The following ARB2A variants were observed in gnomAD, a reference collection of about 807,000 sequenced individuals.
The protein encoded by ARB2A is ARB2 cotranscriptional regulator A.
chr5:93,762,889 C>T, the ARB2A span, among the ~76,000 whole-genome samples: 5 of 152,098 alleles, frequency 3.3e-5, no homozygotes, highest in African/African-American at 1.2e-4. Flanking sequence ...AGAGTGGGGG[C>T]CAATATTCAA....
At chr5:93,955,820 C>T in the ARB2A span, among the ~76,000 whole-genome samples, 1 of 152,144 alleles carries the variant, frequency 6.6e-6, no homozygotes, top group Non-Finnish European at 1.5e-5. Flanking sequence ...CCTGTGCTCA[C>T]TCTGGGCCTG....
the ARB2A span, among the ~76,000 whole-genome samples, chr5:94,073,434 T>C: frequency 1.3e-5 from 2 of 152,040 alleles, no homozygotes; most frequent in African/African-American, 4.8e-5. Flanking sequence ...AAGCAACTTG[T>C]TCATGTTAAG....
the ARB2A span, among the ~76,000 whole-genome samples, chr5:94,103,795 C>CAAAAAAAAAAAAA: frequency 8.8e-6 from 1 of 113,344 alleles, no homozygotes; most frequent in Non-Finnish European, 1.9e-5. Flanking sequence ...TCAACAGATT[C>CAAAAAAAAAAAAA]AAAAAAAAAA....
At chr5:93,781,357 G>T in the ARB2A span, among the ~76,000 whole-genome samples, 124 of 152,166 alleles carry the variant, frequency 8.1e-4, no homozygotes, top group Non-Finnish European at 1.6e-3. Flanking sequence ...CATTTTAATG[G>T]CTGAGTAGTA....
the ARB2A span, among the ~76,000 whole-genome samples, chr5:93,932,906 A>C: frequency 6.6e-6 from 1 of 152,216 alleles, no homozygotes; most frequent in Non-Finnish European, 1.5e-5. Flanking sequence ...TATTCATCTG[A>C]CAAAGGGCTA....
chr5:93,731,275 C>A, the ARB2A span, among the ~76,000 whole-genome samples: 2 of 152,160 alleles, frequency 1.3e-5, no homozygotes, highest in African/African-American at 4.8e-5. Flanking sequence ...TAGGGTAGGT[C>A]CTAATGCAAT....
chr5:93,636,623 T>C, the ARB2A span, among the ~76,000 whole-genome samples: 2 of 152,254 alleles, frequency 1.3e-5, no homozygotes, highest in African/African-American at 4.8e-5. Context: ...AATAAATTTC[T>C]GTTGTTTATA....
At chr5:93,986,059 C>T in the ARB2A span, among the ~76,000 whole-genome samples, 12 of 150,928 alleles carry the variant, frequency 8.0e-5, no homozygotes, top group African/African-American at 2.9e-4. Flanking sequence ...TGAGGAGCGC[C>T]TCTGCCCGGC....
the ARB2A span, among the ~76,000 whole-genome samples, chr5:93,660,323 T>G: frequency 2.0e-5 from 3 of 152,082 alleles, no homozygotes; most frequent in African/African-American, 7.2e-5. Flanking sequence ...TGACTGTGGC[T>G]TAGACTCTTC....
chr5:93,910,856 G>A, the ARB2A span: 15 of 151,408 alleles, frequency 9.9e-5, no homozygotes, highest in Non-Finnish European at 1.6e-4. Flanking sequence ...TATTGTGACA[G>A]GGGAAAAAAT....
chr5:93,800,191 T>C, the ARB2A span, among the ~76,000 whole-genome samples: 1 of 152,094 alleles, frequency 6.6e-6, no homozygotes, highest in African/African-American at 2.4e-5. Flanking sequence ...TGTGTTTATA[T>C]TCAGTTATTT....
the ARB2A span, among the ~76,000 whole-genome samples, chr5:94,044,417 C>T: frequency 5.3e-5 from 8 of 152,082 alleles, no homozygotes; most frequent in African/African-American, 1.4e-4. Flanking sequence ...TCAACACTTT[C>T]GGACTGAGCT....
At chr5:93,749,692 C>T in the ARB2A span, among the ~76,000 whole-genome samples, 1 of 152,082 alleles carries the variant, frequency 6.6e-6, no homozygotes, top group African/African-American at 2.4e-5. Context: ...ATCCCAAGAT[C>T]TTCCTGGTAA....
At chr5:93,723,073 A>C in the ARB2A span, among the ~76,000 whole-genome samples, 1 of 152,130 alleles carries the variant, frequency 6.6e-6, no homozygotes, top group Admixed American at 6.6e-5. Context: ...CATTTGTGAC[A>C]AGAGCTTTCA....
chr5:93,762,217 T>C, the ARB2A span, among the ~76,000 whole-genome samples: 2 of 151,996 alleles, frequency 1.3e-5, no homozygotes, highest in Admixed American at 1.3e-4. Flanking sequence ...CTTTGATGAG[T>C]TGAGAGAAGA....
the ARB2A span, chr5:93,805,283 A>G: frequency 3.0e-6 from 3 of 985,176 alleles, no homozygotes; most frequent in Non-Finnish European, 3.6e-6. Context: ...TTAGCTTGAA[A>G]GCTTTTTGGC....
At chr5:93,966,856 A>G in the ARB2A span, among the ~76,000 whole-genome samples, 19 of 152,090 alleles carry the variant, frequency 1.2e-4, no homozygotes, top group African/African-American at 4.3e-4. Flanking sequence ...TGTCTGTTAC[A>G]CATCTACTTA....
the ARB2A span, among the ~76,000 whole-genome samples, chr5:93,851,819 T>C: frequency 6.6e-6 from 1 of 152,210 alleles, no homozygotes. Flanking sequence ...TTCCATGGTG[T>C]ATATATGCCA....
chr5:93,891,283 C>T, the ARB2A span, among the ~76,000 whole-genome samples: 2 of 152,024 alleles, frequency 1.3e-5, no homozygotes, highest in Admixed American at 1.3e-4. Context: ...ATTCTCTTAC[C>T]TGGGGAACTT....
Sources: gnomAD v4.1 joint callset for allele counts (sites outside exome capture counted in the v4.1 genomes callset) on GRCh38, gnomAD v4.1.1 for gene constraint, MANE v1.5 for transcripts, NCBI Gene and HGNC (gene_info 2026-07-23, HGNC 2026-07-21) for gene names.